PLCH1: variants seen among roughly 807,000 people sequenced by gnomAD.
PLCH1 encodes the protein phospholipase C eta 1.
In PLCH1, 60 loss-of-function variants were observed where a neutral mutation model predicts 126.7. The ratio of observed to expected loss-of-function variants is 0.47; its 90% CI spans 0.38 to 0.59. PLCH1 has a LOEUF of 0.59. PLCH1 is among the 20% of genes least tolerant of loss of function. The pLI is 0.00. For missense variants in PLCH1, 1,723 were observed against 2,040.0 expected (o/e 0.84, Z 2.99); for synonymous variants, 719 against 734.9 (o/e 0.98, Z 0.35).
At chr3:155,674,109 C>T (rs1743839195) in intron 2 of PLCH1, among the ~76,000 whole-genome samples, 1 of 152,072 alleles carries the variant, frequency 6.6e-6, no homozygotes, top group African/African-American at 2.4e-5. Context: ...ATGATAAAAA[C>T]ACCTTCCTTA....
intron 2 of PLCH1, among the ~76,000 whole-genome samples, chr3:155,639,025 C>T (rs1163578663): frequency 6.6e-6 from 1 of 152,126 alleles, no homozygotes; most frequent in Non-Finnish European, 1.5e-5. Context: ...ATATTATATT[C>T]CATGCATCTC....
intron 10 of PLCH1, among the ~76,000 whole-genome samples, chr3:155,542,623 C>T (rs1387599174): frequency 1.3e-5 from 2 of 152,196 alleles, no homozygotes; most frequent in African/African-American, 4.8e-5. Context: ...AGCAGCCTAA[C>T]TGGGAGGCAC....
chr3:155,554,258 G>A, intron 8 of PLCH1, 62 bp from the exon 9 acceptor site: 1 of 1,509,074 alleles, frequency 6.6e-7, no homozygotes, highest in Non-Finnish European at 9.1e-7. Flanking sequence ...AATATTTCTG[G>A]AAATACCAGA....
At chr3:155,499,300 C>A (rs1717544734) in intron 14 of PLCH1, among the ~76,000 whole-genome samples, 1 of 152,162 alleles carries the variant, frequency 6.6e-6, no homozygotes, top group African/African-American at 2.4e-5. Context: ...CTGCTGAGAA[C>A]TTTACTGTGG....
intron 1 of PLCH1, among the ~76,000 whole-genome samples, chr3:155,710,049 G>A (rs577901400): frequency 2.6e-4 from 40 of 152,250 alleles, no homozygotes; most frequent in South Asian, 1.0e-3. Flanking sequence ...GTGCACTAGT[G>A]CCATCTTGGC....
At chr3:155,706,599 G>A (rs1211856831) in intron 1 of PLCH1, among the ~76,000 whole-genome samples, 1 of 144,524 alleles carries the variant, frequency 6.9e-6, no homozygotes, top group Non-Finnish European at 1.5e-5. Flanking sequence ...CGGCCTGGGC[G>A]ACAAAGACTC....
At position 155,482,702 on chromosome 3, in the gene PLCH1, A is replaced by G. The variant is rs1369554509; in HGVS notation, c.3324T>C (p.Phe1108=). 6.2e-7 allele frequency: 1 copy of G among 1,614,208 alleles called. No homozygotes were observed. The highest frequency in any genetic ancestry group is 2.2e-5 in the East Asian group (1 of 44,884). The part of the protein sequence containing the change: ...KIKEKGNPED[F]VEGKSILSGS... The stretch of plus-strand genomic sequence containing the variant: ...CTGACAAGATGCTTTTCCCTTCCAC[A>G]AAGTCCTCAGGATTACCCTTTTCCT... The change falls in exon 23 of 23, where the codon TTT becomes TTC. Residue 1108 remains phenylalanine (F), a synonymous_variant. Coordinates refer to ENST00000460012, the MANE Select transcript of PLCH1 (RefSeq NM_014996.4).
At chr3:155,701,350 A>C (rs1478497305) in intron 2 of PLCH1, among the ~76,000 whole-genome samples, 1 of 152,198 alleles carries the variant, frequency 6.6e-6, no homozygotes, top group Non-Finnish European at 1.5e-5. Context: ...CACAAATGTT[A>C]CATTTTTATT....
intron 10 of PLCH1, among the ~76,000 whole-genome samples, chr3:155,538,727 C>T (rs1213086526): frequency 1.3e-5 from 2 of 151,898 alleles, no homozygotes. Context: ...AACAAACCAA[C>T]AACAAGCAGT....
At chr3:155,561,086 C>A (rs1397271298) in intron 8 of PLCH1, among the ~76,000 whole-genome samples, 4 of 151,434 alleles carry the variant, frequency 2.6e-5, no homozygotes, top group African/African-American at 7.3e-5. Flanking sequence ...TCCAGCTATA[C>A]CTTTCTGGCA....
intron 10 of PLCH1, among the ~76,000 whole-genome samples, chr3:155,538,698 G>A (rs537318926): frequency 3.3e-5 from 5 of 151,994 alleles, no homozygotes; most frequent in Non-Finnish European, 7.4e-5. Flanking sequence ...GGTTAAACCA[G>A]GAAGAAACAG....
intron 10 of PLCH1, among the ~76,000 whole-genome samples, chr3:155,536,092 C>A (rs1723319160): frequency 6.6e-6 from 1 of 152,200 alleles, no homozygotes; most frequent in African/African-American, 2.4e-5. Context: ...TACAGTCCAG[C>A]TATCAGGAAG....
intron 7 of PLCH1, 117 bp downstream of exon 7, chr3:155,568,114 A>G (rs561942831): frequency 1.8e-6 from 1 of 571,310 alleles, no homozygotes; most frequent in South Asian, 2.5e-5. Context: ...TGTTTGAATT[A>G]TTTATTAATA....
chr3:155,615,975 G>A (rs981746793), intron 2 of PLCH1, among the ~76,000 whole-genome samples: 31 of 152,228 alleles, frequency 2.0e-4, no homozygotes, highest in African/African-American at 7.5e-4. Flanking sequence ...GTCCTTACTA[G>A]ATGCTTTAAA....
intron 2 of PLCH1, among the ~76,000 whole-genome samples, chr3:155,598,878 C>G (rs1733343730): frequency 6.6e-6 from 1 of 152,064 alleles, no homozygotes; most frequent in Non-Finnish European, 1.5e-5. Context: ...ATTTACGTCC[C>G]CAAAGACCTA....
chr3:155,674,407 T>C (rs1409338437), intron 2 of PLCH1, among the ~76,000 whole-genome samples: 1 of 152,158 alleles, frequency 6.6e-6, no homozygotes, highest in African/African-American at 2.4e-5. Flanking sequence ...ACAATGCAAC[T>C]CAGATTTCAT....
intron 8 of PLCH1, among the ~76,000 whole-genome samples, chr3:155,555,494 A>G (rs1726706689): frequency 6.6e-6 from 1 of 152,232 alleles, no homozygotes; most frequent in South Asian, 2.1e-4. Flanking sequence ...CCCACTAGGA[A>G]CACCTATTTT....
intron 2 of PLCH1, among the ~76,000 whole-genome samples, chr3:155,683,161 T>C (rs920622377): frequency 6.6e-6 from 1 of 152,226 alleles, no homozygotes; most frequent in African/African-American, 2.4e-5. Context: ...AATTTTGCTA[T>C]GTTCCACAGG....
rs142746032 is a variant in PLCH1, at chr3:155,722,018, G to A, written c.-40-17754C>T. On this transcript the variant is annotated intron_variant, in intron 1 of 22. Transcript: ENST00000460012. ...GCCGAGATCGTGGCACTGCCCTGCA[G>A]CCTGGGCAAAAGAGTGAGACTCTGT... Among the ~76,000 whole-genome samples, 220 of 152,254 alleles carry A rather than the reference G, an allele frequency of 1.4e-3. 5 individuals are homozygous for A. The East Asian group carries it at 0.04, about 27-fold the overall frequency.
Sources: gnomAD v4.1 joint callset for allele counts (sites outside exome capture counted in the v4.1 genomes callset) on GRCh38, gnomAD v4.1.1 for gene constraint, MANE v1.5 for transcripts, NCBI Gene and HGNC (gene_info 2026-07-23, HGNC 2026-07-21) for gene names.